The following RYR2 variants were observed in gnomAD, a reference collection of about 807,000 sequenced individuals.
RYR2 encodes cardiac muscle ryanodine receptor-calcium release channel.
RYR2 carries 227 observed loss-of-function variants against 601.1 expected under a neutral mutation model. The observed-to-expected ratio is 0.38, with a 90% CI of 0.34 to 0.42. The LOEUF (loss-of-function observed/expected upper bound fraction) is 0.42, where lower values mean the gene tolerates loss of function less well. RYR2 is among the 10% of genes least tolerant of loss of function. RYR2 has a pLI of 1.00. For synonymous variants in RYR2, 2,223 were observed against 2,175.1 expected (o/e 1.02, Z -0.61); for missense variants, 4,646 against 6,156.5 (o/e 0.75, Z 8.21).
At chr1:237,081,627 ACTCT>A (rs1048909797) in intron 1 of RYR2, among the ~76,000 whole-genome samples, 44 of 150,570 alleles carry the variant, frequency 2.9e-4, no homozygotes, top group African/African-American at 1.0e-3. Context: ...ATACGCACAC[ACTCT>A]CTCTCTCCCT....
chr1:237,541,001 G>A (rs958273636), intron 25 of RYR2, among the ~76,000 whole-genome samples: 7 of 151,920 alleles, frequency 4.6e-5, no homozygotes, highest in Admixed American at 3.3e-4. Context: ...ATGTGTACCC[G>A]TATGTATACT....
chr1:237,044,740 C>T (rs545484691), intron 1 of RYR2, among the ~76,000 whole-genome samples: 129 of 151,652 alleles, frequency 8.5e-4, no homozygotes, highest in African/African-American at 2.5e-3. Context: ...AATCCTTTAC[C>T]GGCTTCTCCA....
rs1030040160 is a variant in RYR2, at chr1:237,557,665, A to G, written c.3214+6974A>G. ...GAGGACAGCAGTTTGGTGACAAAAA[A>G]GAAGTATAGATGAGGAGTGTTGGAG... On this transcript the variant is annotated intron_variant, in intron 27 of 104. Coordinates refer to ENST00000366574, the MANE Select transcript of RYR2 (RefSeq NM_001035.3). Among the ~76,000 whole-genome samples the G allele has an allele frequency of 1.4e-4, 22 of 152,218 alleles. No homozygotes were observed. In the Middle Eastern group the frequency reaches 0.014, roughly 94 times the overall value.
chr1:237,773,049 C>A (rs543180234), intron 86 of RYR2, among the ~76,000 whole-genome samples: 88 of 152,264 alleles, frequency 5.8e-4, no homozygotes, highest in African/African-American at 2.1e-3. Flanking sequence ...CCAGTTTCCT[C>A]AGGGACAGAC....
chr1:237,648,841 A>G (rs1001072409), intron 49 of RYR2, among the ~76,000 whole-genome samples: 3 of 152,224 alleles, frequency 2.0e-5, no homozygotes, highest in Non-Finnish European at 2.9e-5. Flanking sequence ...ACCAAAAAGA[A>G]TATGATAAGA....
At chr1:237,055,735 AT>A (rs1661912705) in intron 1 of RYR2, among the ~76,000 whole-genome samples, 1 of 152,224 alleles carries the variant, frequency 6.6e-6, no homozygotes, top group Admixed American at 6.5e-5. Context: ...GTATGTTGAC[AT>A]CCTAATCCCC....
intron 63 of RYR2, among the ~76,000 whole-genome samples, chr1:237,696,139 TG>T (rs1470718102): frequency 6.6e-6 from 1 of 152,156 alleles, no homozygotes. Flanking sequence ...AAAGTATCCC[TG>T]GCCACCCCTC....
At chr1:237,801,970 T>A in intron 98 of RYR2, 54 bp downstream of exon 98, 2 of 1,073,318 alleles carry the variant, frequency 1.9e-6, no homozygotes, top group East Asian at 2.4e-5. Flanking sequence ...GATAAGACTG[T>A]GGGAGTTCTG....
At chr1:237,328,325 T>C (rs184961572) in intron 2 of RYR2, among the ~76,000 whole-genome samples, 30 of 152,318 alleles carry the variant, frequency 2.0e-4, no homozygotes, top group African/African-American at 7.2e-4. Flanking sequence ...CTATAATTAG[T>C]ATGGTTAGAA....
Position 237,672,861 on chromosome 1 carries a change from T to C in RYR2, c.8591-1235T>C, listed in dbSNP as rs117671127. The stretch of plus-strand genomic sequence containing the variant: ...CCTGAATTCCTTATTATGGTTAGTA[T>C]TTGTTAGCTTGGTAGTTCTTGACCA... On this transcript the variant is annotated intron_variant, in intron 58 of 104. Coordinates refer to ENST00000366574, the MANE Select transcript of RYR2 (RefSeq NM_001035.3). Among the ~76,000 whole-genome samples the C allele has an allele frequency of 3.3e-4, 50 of 152,324 alleles. No homozygotes were observed. The East Asian group carries it at 5.0e-3, about 15-fold the overall frequency.
chr1:237,409,174 G>T (rs1186120567), intron 10 of RYR2, among the ~76,000 whole-genome samples: 7 of 151,910 alleles, frequency 4.6e-5, no homozygotes, highest in African/African-American at 1.7e-4. Flanking sequence ...TTATGTTATT[G>T]CATTATCTAG....
At chr1:237,513,001 T>A (rs887089958) in intron 24 of RYR2, among the ~76,000 whole-genome samples, 3 of 152,186 alleles carry the variant, frequency 2.0e-5, no homozygotes, top group Admixed American at 1.3e-4. Flanking sequence ...GTTCAGGTGA[T>A]TCTCTGGCCC....
chr1:237,609,381 C>G (rs1677556414), intron 35 of RYR2, among the ~76,000 whole-genome samples: 1 of 111,012 alleles, frequency 9.0e-6, no homozygotes, highest in Non-Finnish European at 1.7e-5. Context: ...CTTCCCTTTT[C>G]TTTCTTTCTG....
chr1:237,567,685 T>C (rs116542790), intron 28 of RYR2, among the ~76,000 whole-genome samples: 1,774 of 152,180 alleles, frequency 0.012, 30 homozygotes, highest in African/African-American at 0.04. Context: ...AATCATAGAT[T>C]TTTTTAAAGT....
chr1:237,506,773 TG>T lies in RYR2; in HGVS notation c.2680del (p.Val894LeufsTer2). 6.2e-7 allele frequency: 1 copy of T among 1,613,866 alleles called. No individual in the cohort carries two copies. The highest frequency in any genetic ancestry group is 8.5e-7 in the Non-Finnish European group (1 of 1,179,806). ...ACTGGCAGAGAATATCCATGAACTC[TG>T]GGTTATGAATAAAATTGAGCTTGGC... Reference protein sequence around the residue: ...EKLAENIHELWVMNKIELGWQ... With the variant: ...EKLAENIHELXVMNKIELGWQ... On this transcript the variant is annotated frameshift_variant, in exon 23 of 105. Coordinates refer to ENST00000366574, the MANE Select transcript of RYR2 (RefSeq NM_001035.3). LOFTEE classifies it high-confidence loss of function.
chr1:237,556,323 A>G (rs1043974720), intron 27 of RYR2, among the ~76,000 whole-genome samples: 3 of 149,442 alleles, frequency 2.0e-5, no homozygotes, highest in South Asian at 4.2e-4. Flanking sequence ...TAGTTGAGAT[A>G]GAATCTCGCT....
At chr1:237,337,076 C>G (rs902558176) in intron 3 of RYR2, among the ~76,000 whole-genome samples, 1 of 151,764 alleles carries the variant, frequency 6.6e-6, no homozygotes, top group Non-Finnish European at 1.5e-5. Flanking sequence ...CATGTTGAAA[C>G]CCCATCTCTA....
At chr1:237,499,207 C>T (rs941898594) in intron 20 of RYR2, among the ~76,000 whole-genome samples, 1 of 151,960 alleles carries the variant, frequency 6.6e-6, no homozygotes, top group African/African-American at 2.4e-5. Flanking sequence ...GGCTCATAAG[C>T]AAAAGTTTTT....
At chr1:237,493,668 G>A (rs1411513619) in intron 19 of RYR2, among the ~76,000 whole-genome samples, 2 of 152,150 alleles carry the variant, frequency 1.3e-5, no homozygotes, top group Non-Finnish European at 2.9e-5. Flanking sequence ...TAGCCAGGAT[G>A]GTCTCGAACT....
Sources: allele counts gnomAD v4.1 joint callset (sites outside exome capture counted in the v4.1 genomes callset), GRCh38; gene constraint gnomAD v4.1.1; transcripts MANE v1.5; gene names NCBI Gene and HGNC (gene_info 2026-07-23, HGNC 2026-07-21).